Variants in PRKG1 observed in about 807,000 individuals in gnomAD.
The protein encoded by PRKG1 is protein kinase cGMP-dependent 1, also known as cGMP-dependent protein kinase 1.
A neutral mutation model predicts 88.1 loss-of-function variants in PRKG1; 35 were observed. That is an observed-to-expected ratio of 0.40 (90% CI 0.30 to 0.53). The LOEUF is 0.53. Ranked by LOEUF, PRKG1 falls within the 20% of genes least tolerant of loss-of-function variation. The pLI is 0.59. For synonymous variants in PRKG1, 303 were observed against 292.5 expected (o/e 1.04, Z -0.37); for missense variants, 540 against 839.8 (o/e 0.64, Z 4.41).
chr10:51,072,526 C>T (rs1003120158), upstream of PRKG1, among the ~76,000 whole-genome samples: 3 of 152,006 alleles, frequency 2.0e-5, no homozygotes, highest in African/African-American at 4.8e-5. Flanking sequence ...TTAATTAAAA[C>T]AACAGTAATT....
At chr10:51,325,509 T>C (rs1329610340) in intron 2 of PRKG1, among the ~76,000 whole-genome samples, 4 of 152,204 alleles carry the variant, frequency 2.6e-5, no homozygotes, top group Non-Finnish European at 5.9e-5. Context: ...CTTCAAGTTT[T>C]TCAGTGTATC....
intron 5 of PRKG1, among the ~76,000 whole-genome samples, chr10:51,981,221 G>A (rs542353333): frequency 3.9e-5 from 6 of 152,102 alleles, no homozygotes; most frequent in Admixed American, 2.0e-4. Context: ...GAAAAGGATC[G>A]TATTTCTCTT....
intron 3 of PRKG1, among the ~76,000 whole-genome samples, chr10:51,596,879 A>G (rs879821874): frequency 2.0e-5 from 3 of 152,192 alleles, no homozygotes; most frequent in Non-Finnish European, 4.4e-5. Flanking sequence ...AACAGTGGCC[A>G]GTGCTGTTCC....
At position 51,425,330 on chromosome 10, in the gene PRKG1, C is replaced by G. The variant is rs1270805249; in HGVS notation, c.479-42393C>G. Among the ~76,000 whole-genome samples, 4 of 152,120 alleles carry G rather than the reference C, an allele frequency of 2.6e-5. No homozygotes were observed. The South Asian group carries it at 6.2e-4, about 24-fold the overall frequency. ...AGTTGTGAAGAAAATGTGTACACAA[C>G]TCGGTAATCAATGTTTTGTCTTTCA... is the stretch of plus-strand genomic sequence containing the variant. On this transcript the variant is annotated intron_variant, in intron 2 of 17. Transcript: ENST00000373980.
intron 2 of PRKG1, among the ~76,000 whole-genome samples, chr10:51,172,110 T>A (rs1016186930): frequency 1.3e-5 from 2 of 152,052 alleles, no homozygotes; most frequent in Non-Finnish European, 2.9e-5. Flanking sequence ...CCTAACACAT[T>A]TGCTTCCAAA....
At chr10:52,162,074 T>G (rs1838291197) in intron 9 of PRKG1, 111 bp downstream of exon 9, 3 of 896,860 alleles carry the variant, frequency 3.3e-6, no homozygotes, top group Non-Finnish European at 5.2e-6. Flanking sequence ...AAACAACTAA[T>G]TAGTTGAGAG....
In PRKG1 at chr10:51,538,112, T is replaced by A. The variant is rs76221633; in HGVS notation, c.592+70276T>A. Among the ~76,000 whole-genome samples the A allele has an allele frequency of 3.0e-4, 45 of 152,262 alleles. 2 individuals carry two copies. In the East Asian group the frequency reaches 8.5e-3, roughly 29 times the overall value. On this transcript the variant is annotated intron_variant, in intron 3 of 17. Transcript: ENST00000373980. ...AGGCCTTCCCTAGTCCAAGGCCCAT[T>A]TCCCTGTACTACACTGCACCATTTC...
intron 2 of PRKG1, among the ~76,000 whole-genome samples, chr10:51,316,003 A>C (rs1490450864): frequency 6.6e-6 from 1 of 152,194 alleles, no homozygotes. Context: ...GGGATAGATG[A>C]GGTTAATCAC....
At chr10:52,192,922 A>G (rs10824229) in intron 9 of PRKG1, among the ~76,000 whole-genome samples, 27,780 of 151,980 alleles carry the variant, frequency 0.18, 4,662 homozygotes, top group African/African-American at 0.45. Flanking sequence ...AAAAGGCTTT[A>G]CAATATCCAT....
chr10:51,633,817 A>G (rs1294415859), intron 3 of PRKG1, among the ~76,000 whole-genome samples: 1 of 152,152 alleles, frequency 6.6e-6, no homozygotes, highest in Non-Finnish European at 1.5e-5. Context: ...TTTGGACAGC[A>G]TGTAGACCAA....
intron 1 of PRKG1, among the ~76,000 whole-genome samples, chr10:51,017,508 G>A (rs1017024905): frequency 1.3e-5 from 2 of 152,222 alleles, no homozygotes; most frequent in African/African-American, 4.8e-5. Context: ...ACACTTATGT[G>A]TATGAGATTT....
chr10:52,148,928 T>C (rs139134027), intron 8 of PRKG1, among the ~76,000 whole-genome samples: 6 of 147,568 alleles, frequency 4.1e-5, no homozygotes, highest in African/African-American at 1.5e-4. Context: ...TTCTTCACAC[T>C]GACTATTTGA....
chr10:52,176,473 C>A (rs936354823), intron 9 of PRKG1, among the ~76,000 whole-genome samples: 1 of 151,868 alleles, frequency 6.6e-6, no homozygotes, highest in Non-Finnish European at 1.5e-5. Flanking sequence ...CACCCTACCA[C>A]CCACCACCAG....
Position 51,947,024 on chromosome 10 carries a change from G to A in PRKG1, c.762+39454G>A, listed in dbSNP as rs181442801. Among the ~76,000 whole-genome samples the A allele has an allele frequency of 4.3e-4, 66 of 152,210 alleles. 1 individual carries two copies. The highest frequency in any genetic ancestry group is 1.5e-3 in the African/African-American group (64 of 41,458). On this transcript the variant is annotated intron_variant, in intron 5 of 17. Coordinates refer to ENST00000373980, the MANE Select transcript of PRKG1 (RefSeq NM_006258.4). ...GACAGGGACATTTAAGTCTACAGAG[G>A]TTACTGCTGTCTTTTTGTTTGTCTG... is the stretch of plus-strand genomic sequence containing the variant.
At chr10:51,686,735 ACCTTTTTT>A (rs1841001967) in intron 3 of PRKG1, among the ~76,000 whole-genome samples, 2 of 151,952 alleles carry the variant, frequency 1.3e-5, no homozygotes, top group Non-Finnish European at 2.9e-5. Flanking sequence ...TTTCTTTACA[ACCTTTTTT>A]GTTTGTTTGT....
rs942280301 is a variant in PRKG1, at chr10:51,345,956, AG to A, written c.479-121766del. 5.9e-5 allele frequency among the ~76,000 whole-genome samples: 9 copies of A among 152,330 alleles called. No individual in the cohort carries two copies. The South Asian group carries it at 1.2e-3, about 21-fold the overall frequency. On this transcript the variant is annotated intron_variant, in intron 2 of 17. Coordinates refer to ENST00000373980, the MANE Select transcript of PRKG1 (RefSeq NM_006258.4). ...TCTGGAGATTATGTTCAGTACAGAT[AG>A]CATTATTGGTACAATTTCAAGGCTC...
At position 51,336,355 on chromosome 10, in the gene PRKG1, AAAATAAAT is replaced by A. The variant is rs537286851; in HGVS notation, c.479-131348_479-131341del. Among the ~76,000 whole-genome samples the A allele has an allele frequency of 2.6e-5, 4 of 151,506 alleles. No homozygotes were observed. The East Asian group carries it at 5.8e-4, about 22-fold the overall frequency. On this transcript the variant is annotated intron_variant, in intron 2 of 17. Coordinates refer to ENST00000373980, the MANE Select transcript of PRKG1 (RefSeq NM_006258.4). The stretch of plus-strand genomic sequence containing the variant: ...GCAACAGAGCAAGACTCCATCTCAA[AAAATAAAT>A]AAATAAATAAATAAATAAAATAGCA...
At chr10:51,466,086 T>G (rs1839898096) in intron 2 of PRKG1, among the ~76,000 whole-genome samples, 1 of 152,166 alleles carries the variant, frequency 6.6e-6, no homozygotes, top group African/African-American at 2.4e-5. Context: ...TATCTTTAGA[T>G]GATTTATAAA....
rs193136000 is a variant in PRKG1 at position 51,554,894 on chromosome 10, G to A, written c.592+87058G>A. On this transcript the variant is annotated intron_variant, in intron 3 of 17. Coordinates refer to ENST00000373980, the MANE Select transcript of PRKG1 (RefSeq NM_006258.4). Reference sequence around the variant, plus strand: ...TTTTAATATAAGGCTAGAGATTCTTGCCTCAAGTGGGTTGTTGTAACTGTT... The same window carrying A: ...TTTTAATATAAGGCTAGAGATTCTTACCTCAAGTGGGTTGTTGTAACTGTT... 2.0e-5 allele frequency among the ~76,000 whole-genome samples: 3 copies of A among 151,862 alleles called. No homozygotes were observed. In the East Asian group the frequency reaches 5.8e-4, roughly 29 times the overall value.
Sources: gnomAD v4.1 joint callset for allele counts (sites outside exome capture counted in the v4.1 genomes callset) on GRCh38, gnomAD v4.1.1 for gene constraint, MANE v1.5 for transcripts, NCBI Gene and HGNC (gene_info 2026-07-23, HGNC 2026-07-21) for gene names.